USP37: variants seen among roughly 807,000 people sequenced by gnomAD.
USP37 encodes ubiquitin carboxyl-terminal hydrolase 37.
In USP37, 27 loss-of-function variants were observed where a neutral mutation model predicts 124.0. That is an observed-to-expected ratio of 0.22 (90% CI 0.16 to 0.30). The LOEUF (loss-of-function observed/expected upper bound fraction) is 0.30. USP37 is among the 10% of genes least tolerant of loss of function. USP37 has a pLI of 1.00. For missense variants in USP37, 889 were observed against 1,140.4 expected (o/e 0.78, Z 3.17); for synonymous variants, 365 against 388.0 (o/e 0.94, Z 0.70).
In USP37 at chr2:218,495,825, T is replaced by C; in HGVS notation, c.1407A>G (p.Arg469=). ...EENSPDISAT[R]AYTCPVITNL... Reference sequence around the variant, plus strand: ...TAGTAATAACAGGGCAAGTGTATGCTCTGGTAGCTGAAATATCTGGTGAAT... The same window carrying C: ...TAGTAATAACAGGGCAAGTGTATGCCCTGGTAGCTGAAATATCTGGTGAAT... The change falls in exon 14 of 26, where the codon AGA becomes AGG. Residue 469 remains arginine, a synonymous_variant. Coordinates refer to ENST00000258399, the MANE Select transcript of USP37 (RefSeq NM_020935.3). The C allele has an allele frequency of 6.2e-7, 1 of 1,614,020 alleles. No homozygotes were observed. The highest frequency in any genetic ancestry group is 8.5e-7 in the Non-Finnish European group (1 of 1,180,036).
rs1689902905 is a variant in USP37 at position 218,459,710 on chromosome 2, G to GA, written c.2643+79dup. ...CCAAAATGAACCTGCAGTGGACACT[G>GA]AAAGTGGGGCCTTTGAAGTAAAGAG... is the stretch of plus-strand genomic sequence containing the variant. On this transcript the variant is annotated intron_variant, in intron 23 of 25. Coordinates refer to ENST00000258399, the MANE Select transcript of USP37 (RefSeq NM_020935.3). The GA allele has an allele frequency of 6.4e-6, 8 of 1,243,530 alleles. No individual in the cohort carries two copies. The South Asian group carries it at 1.1e-4, about 17-fold the overall frequency. The allele number at this position is 1,243,530 out of a possible 1,614,324, so 77.0% of individuals were successfully genotyped here. A position where few individuals can be genotyped will look rare whatever the true frequency, so the allele number is the denominator to read the frequency against.
chr2:218,513,839 T>C (rs895909748), intron 10 of USP37, among the ~76,000 whole-genome samples: 1 of 152,212 alleles, frequency 6.6e-6, no homozygotes, highest in Non-Finnish European at 1.5e-5. Flanking sequence ...AGACAGGGTC[T>C]CACTCTGTTG....
At position 218,466,080 on chromosome 2, in the gene USP37, T is replaced by C. The variant is rs1329917992; in HGVS notation, c.2396A>G (p.Gln799Arg). The change falls in exon 21 of 26, where the codon CAG becomes CGG. Residue 799 changes from glutamine (Q) to arginine (R), a missense_variant. By Grantham distance (43) the Gln-to-Arg change is conservative. Transcript: ENST00000258399. ...GSQGEVDWLQ[Q>R]YDMEREREEQ... is the part of the protein sequence containing the mutation. ...TTCCCTTTCACGCTCCATATCATAC[T>C]GCTGGAGCCAATCAACTTCTCCCTG... 2 of 1,614,106 alleles carry C rather than the reference T, an allele frequency of 1.2e-6. No homozygotes were observed. The highest frequency in any genetic ancestry group is 2.2e-5 in the East Asian group (1 of 44,888).
At chr2:218,478,315 T>C (rs1353864614) in intron 18 of USP37, among the ~76,000 whole-genome samples, 1 of 152,140 alleles carries the variant, frequency 6.6e-6, no homozygotes, top group Non-Finnish European at 1.5e-5. Flanking sequence ...CAATTAGCCA[T>C]CTTAATTCCT....
chr2:218,493,627 C>T (rs895743755), intron 14 of USP37, among the ~76,000 whole-genome samples: 2 of 152,142 alleles, frequency 1.3e-5, no homozygotes, highest in African/African-American at 2.4e-5. Context: ...TGCACCACCA[C>T]GCCTGGCTAA....
intron 14 of USP37, among the ~76,000 whole-genome samples, chr2:218,492,703 G>A (rs1451125396): frequency 1.3e-5 from 2 of 152,170 alleles, no homozygotes; most frequent in Admixed American, 1.3e-4. Flanking sequence ...TGAGATGTCA[G>A]GTTTGAGAAA....
At chr2:218,510,224 G>T in intron 10 of USP37, 84 bp from the exon 11 acceptor site, 1 of 1,419,504 alleles carries the variant, frequency 7.0e-7, no homozygotes, top group Non-Finnish European at 9.5e-7. Context: ...AGAAGTCAAT[G>T]TTTAAGGAAA....
At chr2:218,496,081 G>A in intron 13 of USP37, 131 bp from the exon 14 acceptor site, 1 of 847,864 alleles carries the variant, frequency 1.2e-6, no homozygotes, top group East Asian at 2.9e-5. Flanking sequence ...ATCACTTGAG[G>A]TCAGGAGTTC....
chr2:218,501,710 G>A lies in USP37; in HGVS notation c.1026-3553C>T, dbSNP rs549367265. Among the ~76,000 whole-genome samples the A allele has an allele frequency of 9.5e-4, 145 of 152,290 alleles. 1 individual carries two copies. Among genetic ancestry groups the A allele is most frequent in the Middle Eastern group, 6.8e-3 (2 of 294 alleles). On this transcript the variant is annotated intron_variant, in intron 11 of 25. Transcript: ENST00000258399. ...AAGTTGAGCTGAGAGAAATGAGTTCGAAAAGCTGAGGTTGCTGAGATTTCT... is the reference window on the plus strand; with the variant it reads ...AAGTTGAGCTGAGAGAAATGAGTTCAAAAAGCTGAGGTTGCTGAGATTTCT...
In USP37 at chr2:218,474,737, T is replaced by A. The variant is rs980312306; in HGVS notation, c.2192A>T (p.Lys731Met). 24 of 1,614,194 alleles carry A rather than the reference T, an allele frequency of 1.5e-5. No individual in the cohort carries two copies. Among genetic ancestry groups the A allele is most frequent in the Non-Finnish European group, 2.0e-5 (24 of 1,180,030 alleles). The stretch of plus-strand genomic sequence containing the variant: ...TCCGGTATCTGGGCTGCTAGTTGGC[T>A]TATCATCATCTTCATGACTCAGAGA... The part of the protein sequence containing the change: ...SPSLSHEDDD[K>M]PTSSPDTGFA... Residue 731 changes from lysine (K) to methionine (M), a missense_variant, in exon 20 of 26, where the codon AAG (lysine) becomes ATG (methionine). Transcript: ENST00000258399.
intron 16 of USP37, among the ~76,000 whole-genome samples, chr2:218,484,172 A>G (rs1479600649): frequency 6.6e-6 from 1 of 151,904 alleles, no homozygotes; most frequent in East Asian, 1.9e-4. Context: ...AAAACAAAAA[A>G]CACAACATTT....
chr2:218,519,643 T>G (rs1690487034), intron 10 of USP37, among the ~76,000 whole-genome samples: 1 of 148,866 alleles, frequency 6.7e-6, no homozygotes, highest in Non-Finnish European at 1.5e-5. Context: ...TTGTTTTTTG[T>G]TTTTTTTTTC....
At chr2:218,541,977 A>G (rs1370090520) in intron 8 of USP37, among the ~76,000 whole-genome samples, 3 of 152,154 alleles carry the variant, frequency 2.0e-5, no homozygotes, top group Non-Finnish European at 4.4e-5. Flanking sequence ...CATTTTGCCC[A>G]CCTGGACAGA....
intron 1 of USP37, among the ~76,000 whole-genome samples, chr2:218,567,011 A>G (rs1298401390): frequency 6.6e-6 from 1 of 152,144 alleles, no homozygotes; most frequent in Non-Finnish European, 1.5e-5. Flanking sequence ...GATGTCAAGC[A>G]GACAGCTGGC....
chr2:218,529,735 C>T (rs774874038), intron 10 of USP37, among the ~76,000 whole-genome samples: 1 of 152,062 alleles, frequency 6.6e-6, no homozygotes, highest in Non-Finnish European at 1.5e-5. Flanking sequence ...GATCCTTCCA[C>T]CTCAGCCTCT....
At chr2:218,513,465 C>G (rs1267576018) in intron 10 of USP37, among the ~76,000 whole-genome samples, 3 of 152,120 alleles carry the variant, frequency 2.0e-5, no homozygotes, top group Non-Finnish European at 4.4e-5. Context: ...TATATACACT[C>G]ATGAAATCAT....
chr2:218,487,245 A>G (rs1297041642), intron 15 of USP37, among the ~76,000 whole-genome samples: 3 of 152,216 alleles, frequency 2.0e-5, no homozygotes, highest in Admixed American at 2.0e-4. Flanking sequence ...TTGGATAAAC[A>G]TGATTCTTTC....
chr2:218,520,684 C>T (rs1009652440), intron 10 of USP37, among the ~76,000 whole-genome samples: 4 of 152,144 alleles, frequency 2.6e-5, no homozygotes, highest in African/African-American at 9.7e-5. Flanking sequence ...AGTGTTATTC[C>T]CAGTTTATTC....
intron 23 of USP37, among the ~76,000 whole-genome samples, chr2:218,459,080 T>TAA (rs5838700): frequency 4.1e-4 from 60 of 147,404 alleles, no homozygotes; most frequent in Admixed American, 5.4e-4. Flanking sequence ...GAAAAAGGGT[T>TAA]AAAAAAAAAA....
Sources: gnomAD v4.1 joint callset for allele counts (sites outside exome capture counted in the v4.1 genomes callset) on GRCh38, gnomAD v4.1.1 for gene constraint, MANE v1.5 for transcripts, NCBI Gene and HGNC (gene_info 2026-07-23, HGNC 2026-07-21) for gene names.